The following C20orf203 variants were observed in gnomAD, a reference collection of about 807,000 sequenced individuals.
The protein encoded by C20orf203 is uncharacterized protein C20orf203.
Under a neutral mutation model 15.9 loss-of-function variants are expected in C20orf203, and 16 were observed. The ratio of observed to expected loss-of-function variants is 1.01; its 90% CI spans 0.68 to 1.53. The LOEUF (loss-of-function observed/expected upper bound fraction) is 1.53. Ranked by LOEUF, C20orf203 falls within the 40% of genes most tolerant of loss-of-function variation. C20orf203 has a pLI of 0.00. For synonymous variants in C20orf203, 98 were observed against 97.2 expected, an observed-to-expected ratio of 1.01 and a Z score of -0.05; for missense variants, 263 against 247.5, an observed-to-expected ratio of 1.06 and a Z score of -0.42.
At chr20:32,654,637 GTT>G (rs147400016) in intron 1 of C20orf203, among the ~76,000 whole-genome samples, 3,218 of 152,118 alleles carry the variant, frequency 0.021, 122 homozygotes, top group African/African-American at 0.073. Flanking sequence ...GAGTCCAGGA[GTT>G]TGAGACCAGC....
At chr20:32,666,077 G>T (rs1374571664) in intron 1 of C20orf203, among the ~76,000 whole-genome samples, 1 of 150,222 alleles carries the variant, frequency 6.7e-6, no homozygotes. Flanking sequence ...AGGTTGTAGT[G>T]AGCTGAGATC....
At chr20:32,645,232 G>A (rs1303520623) in intron 4 of C20orf203, among the ~76,000 whole-genome samples, 1 of 152,212 alleles carries the variant, frequency 6.6e-6, no homozygotes, top group Non-Finnish European at 1.5e-5. Context: ...AGGGAAGACA[G>A]GTAGAGAAAT....
intron 5 of C20orf203, among the ~76,000 whole-genome samples, chr20:32,636,432 G>A (rs1982140272): frequency 6.6e-6 from 1 of 152,146 alleles, no homozygotes; most frequent in South Asian, 2.1e-4. Context: ...AGGACACGGC[G>A]CTGCTCCCCT....
Position 32,633,824 on chromosome 20 carries a change from C to T in C20orf203, c.*1746G>A. 5.1e-6 allele frequency: 2 copies of T among 390,508 alleles called. No individual in the cohort carries two copies. The highest frequency in any genetic ancestry group is 3.6e-5 in the East Asian group (1 of 27,572). 24.2% of individuals were successfully genotyped at this position (390,508 alleles called of 1,614,324 possible). ...CACTACCTGGTCCCCTGGTCCCAGC[C>T]TCCTTTCATGGAAGGAGGTCTTGCC... On this transcript the variant is annotated 3_prime_UTR_variant, in exon 6 of 6. Coordinates refer to ENST00000608990, the MANE Select transcript of C20orf203 (RefSeq NM_182584.4).
intron 1 of C20orf203, among the ~76,000 whole-genome samples, chr20:32,665,158 C>G (rs549856504): frequency 6.6e-6 from 1 of 152,320 alleles, no homozygotes; most frequent in South Asian, 2.1e-4. Context: ...CCACGCAAGG[C>G]CCAAAGCCCC....
At position 32,646,270 on chromosome 20, in the gene C20orf203, A is replaced by G. The variant is rs183170643; in HGVS notation, c.*1177+2985T>C. Among the ~76,000 whole-genome samples the G allele has an allele frequency of 1.3e-4, 19 of 150,118 alleles. 1 individual carries two copies. The East Asian group carries it at 3.5e-3, about 28-fold the overall frequency. On this transcript the variant is annotated intron_variant, in intron 4 of 5. Transcript: ENST00000608990. ...ATTTTTTGAGACAGAGTCTGGCTCA[A>G]TCTCAGCTCACTGCAACCTCTGCCT...
chr20:32,662,884 T>TA (rs549813618), intron 1 of C20orf203, among the ~76,000 whole-genome samples: 32,688 of 110,916 alleles, frequency 0.29, 4,696 homozygotes, highest in Middle Eastern at 0.35. Flanking sequence ...TCTGTCTCTA[T>TA]AAAAAAAAAA....
At chr20:32,673,096 T>C (rs2145685701) in intron 1 of C20orf203, among the ~76,000 whole-genome samples, 1 of 152,118 alleles carries the variant, frequency 6.6e-6, no homozygotes, top group East Asian at 1.9e-4. Flanking sequence ...TCTCTCTGTG[T>C]CCCACCTCAC....
chr20:32,641,832 TTC>T (rs1982289627), intron 4 of C20orf203, among the ~76,000 whole-genome samples: 1 of 152,104 alleles, frequency 6.6e-6, no homozygotes, highest in Admixed American at 6.6e-5. Context: ...TTTGTTCTGT[TTC>T]TGTTTTTGTT....
At chr20:32,665,797 C>T (rs1214524183) in intron 1 of C20orf203, among the ~76,000 whole-genome samples, 2 of 151,930 alleles carry the variant, frequency 1.3e-5, no homozygotes, top group Non-Finnish European at 2.9e-5. Flanking sequence ...AATCCAGTCT[C>T]TACTTAAAAA....
chr20:32,648,439 T>G, intron 4 of C20orf203, among the ~76,000 whole-genome samples: 1 of 95,408 alleles, frequency 1.0e-5, no homozygotes, highest in Non-Finnish European at 2.2e-5. Context: ...TTTTTTTTTT[T>G]TTTTTTTTTT....
chr20:32,657,968 C>T (rs1001147091), intron 1 of C20orf203: 19 of 137,070 alleles, frequency 1.4e-4, no homozygotes, highest in African/African-American at 5.0e-4. Flanking sequence ...CGCCCCCAAA[C>T]CTAAAAAAAA....
At chr20:32,663,208 G>A (rs1047533070) in intron 1 of C20orf203, among the ~76,000 whole-genome samples, 3 of 151,884 alleles carry the variant, frequency 2.0e-5, no homozygotes, top group Admixed American at 1.3e-4. Context: ...TCGGCCTCCC[G>A]AAGTGCTGGG....
rs1982045992 is a variant in C20orf203, at chr20:32,633,171, T to A, written c.*2399A>T. The A allele has an allele frequency of 6.6e-6, 1 of 152,148 alleles. No homozygotes were observed. The highest frequency in any genetic ancestry group is 2.4e-5 in the African/African-American group (1 of 41,410). The allele number at this position is 152,148 out of a possible 1,614,324, so 9.4% of individuals were successfully genotyped here. On this transcript the variant is annotated 3_prime_UTR_variant, in exon 6 of 6. Coordinates refer to ENST00000608990, the MANE Select transcript of C20orf203 (RefSeq NM_182584.4). ...CACAGAGTCAAACTATATCAGTGAC[T>A]CACCATCCCAGTTTGCCTGGGACTG...
intron 1 of C20orf203, among the ~76,000 whole-genome samples, chr20:32,673,190 A>AG (rs1159586508): frequency 3.9e-5 from 6 of 152,134 alleles, no homozygotes; most frequent in Non-Finnish European, 8.8e-5. Context: ...GAGGAGCCCC[A>AG]GGGCTGGTAC....
At chr20:32,672,059 G>A (rs1485842206) in intron 1 of C20orf203, among the ~76,000 whole-genome samples, 1 of 151,696 alleles carries the variant, frequency 6.6e-6, no homozygotes, top group African/African-American at 2.4e-5. Context: ...GCTCACGCCT[G>A]TAATCCCAGC....
At chr20:32,640,118 G>GTTTACCACATATTA (rs1982241482) in intron 5 of C20orf203, among the ~76,000 whole-genome samples, 1 of 152,132 alleles carries the variant, frequency 6.6e-6, no homozygotes, top group Non-Finnish European at 1.5e-5. Flanking sequence ...CATCAAAGAT[G>GTTTACCACATATTA]TTTACCACAT....
At chr20:32,651,462 A>T (rs1160347349) in intron 2 of C20orf203, among the ~76,000 whole-genome samples, 2 of 152,228 alleles carry the variant, frequency 1.3e-5, no homozygotes. Context: ...GCCCCAAGTC[A>T]CTTCAAAGCA....
chr20:32,662,026 G>A (rs1364672015), intron 1 of C20orf203, among the ~76,000 whole-genome samples: 1 of 152,210 alleles, frequency 6.6e-6, no homozygotes, highest in Non-Finnish European at 1.5e-5. Context: ...TGGAGACACA[G>A]GCAGAATCAG....
Sources: allele counts gnomAD v4.1 joint callset (sites outside exome capture counted in the v4.1 genomes callset), GRCh38; gene constraint gnomAD v4.1.1; transcripts MANE v1.5; gene names NCBI Gene and HGNC (gene_info 2026-07-23, HGNC 2026-07-21).